Variants in CSMD2 observed in about 807,000 individuals in gnomAD.
CSMD2 encodes the protein CUB and Sushi multiple domains 2.
A neutral mutation model predicts 398.5 loss-of-function variants in CSMD2; 130 were observed. That is an observed-to-expected ratio of 0.33 (90% confidence interval 0.28 to 0.38). The LOEUF (loss-of-function observed/expected upper bound fraction) is 0.38. Ranked by LOEUF, CSMD2 falls within the 10% of genes least tolerant of loss-of-function variation. The pLI, the probability that CSMD2 is intolerant of heterozygous loss-of-function variation, is 1.00. For missense variants in CSMD2, 3,829 were observed against 4,764.9 expected (o/e 0.80, Z 5.78); for synonymous variants, 1,828 against 1,908.5 (o/e 0.96, Z 1.10).
intron 25 of CSMD2, among the ~76,000 whole-genome samples, chr1:33,668,980 G>C (rs1644403787): frequency 6.6e-6 from 1 of 152,146 alleles, no homozygotes; most frequent in African/African-American, 2.4e-5. Flanking sequence ...AATAACCGGA[G>C]GACAAAAAGA....
intron 10 of CSMD2, among the ~76,000 whole-genome samples, chr1:33,795,155 G>C (rs111869787): frequency 0.029 from 4,390 of 152,166 alleles, 191 homozygotes; most frequent in African/African-American, 0.099. Flanking sequence ...CCTGTAGCAA[G>C]GTCTAGGTGA....
chr1:33,746,518 C>T (rs1647405753), intron 13 of CSMD2, among the ~76,000 whole-genome samples: 1 of 152,150 alleles, frequency 6.6e-6, no homozygotes, highest in South Asian at 2.1e-4. Context: ...GAACCTTTAA[C>T]CAGGATTGTC....
intron 2 of CSMD2, among the ~76,000 whole-genome samples, chr1:34,063,289 C>T (rs192211612): frequency 3.3e-5 from 5 of 152,312 alleles, no homozygotes; most frequent in Admixed American, 3.3e-4. Context: ...TAACTCAGTT[C>T]AGCATTAACA....
At chr1:33,854,520 A>T (rs1638935199) in intron 5 of CSMD2, among the ~76,000 whole-genome samples, 1 of 152,156 alleles carries the variant, frequency 6.6e-6, no homozygotes, top group South Asian at 2.1e-4. Flanking sequence ...TCCTGTCAAG[A>T]CATGCTTCCC....
chr1:33,789,960 G>A (rs1231963145), intron 11 of CSMD2, among the ~76,000 whole-genome samples: 1 of 152,162 alleles, frequency 6.6e-6, no homozygotes, highest in Non-Finnish European at 1.5e-5. Context: ...GAGCCTCTCT[G>A]GGCTTTTTCA....
At chr1:33,768,550 G>A (rs1438346032) in intron 13 of CSMD2, among the ~76,000 whole-genome samples, 1 of 148,898 alleles carries the variant, frequency 6.7e-6, no homozygotes, top group East Asian at 2.0e-4. Context: ...GTGTGTGTGT[G>A]TGTGTGTGTG....
intron 7 of CSMD2, among the ~76,000 whole-genome samples, chr1:33,824,897 G>A (rs1323757988): frequency 4.6e-5 from 7 of 152,006 alleles, no homozygotes; most frequent in African/African-American, 1.7e-4. Flanking sequence ...CCTACCACTC[G>A]GCCCAGAAGG....
chr1:33,624,371 G>A lies in CSMD2; in HGVS notation c.5625+148C>T, dbSNP rs1464390823. 14 of 951,590 alleles carry A rather than the reference G, an allele frequency of 1.5e-5. No individual in the cohort carries two copies. Among genetic ancestry groups the A allele is most frequent in the South Asian group, 5.6e-5 (3 of 53,772 alleles). The allele number at this position is 951,590 out of a possible 1,614,324, so 58.9% of individuals were successfully genotyped here. ...ACACTTGGACTGAGCCTCCTTAGCC[G>A]CAGGGGCAGGTACAGGGCTGATATG... On this transcript the variant is annotated intron_variant, in intron 35 of 70. Coordinates refer to ENST00000373381, the MANE Select transcript of CSMD2 (RefSeq NM_001281956.2). The surrounding 1 kb of genome is among the most constrained non-coding windows in gnomAD (Gnocchi z 4.7).
intron 3 of CSMD2, among the ~76,000 whole-genome samples, chr1:34,023,747 C>T (rs1649249386): frequency 6.6e-6 from 1 of 152,168 alleles, no homozygotes; most frequent in Non-Finnish European, 1.5e-5. Flanking sequence ...CATTCATGCT[C>T]ACAGTCCTCT....
chr1:33,801,611 C>T (rs1655615656), intron 10 of CSMD2, among the ~76,000 whole-genome samples: 1 of 152,226 alleles, frequency 6.6e-6, no homozygotes, highest in South Asian at 2.1e-4. Flanking sequence ...TTCCTGCTTT[C>T]AGGATGCTCA....
intron 43 of CSMD2, among the ~76,000 whole-genome samples, chr1:33,602,150 G>A (rs1172132739): frequency 1.3e-5 from 2 of 152,222 alleles, no homozygotes; most frequent in African/African-American, 4.8e-5. Context: ...CAGGCTGGGA[G>A]CCACTGCCCT....
intron 3 of CSMD2, among the ~76,000 whole-genome samples, chr1:33,966,194 G>A (rs1432402061): frequency 3.9e-5 from 6 of 152,130 alleles, no homozygotes; most frequent in African/African-American, 1.2e-4. Flanking sequence ...TGAGCCTCTG[G>A]TCTTGACTCC....
chr1:33,976,155 A>G (rs1393903526), intron 3 of CSMD2, among the ~76,000 whole-genome samples: 1 of 152,220 alleles, frequency 6.6e-6, no homozygotes, highest in Non-Finnish European at 1.5e-5. Flanking sequence ...GAGCTAGCTC[A>G]GGATGTGGAT....
chr1:34,139,620 C>T (rs1639085705), intron 1 of CSMD2, among the ~76,000 whole-genome samples: 1 of 152,026 alleles, frequency 6.6e-6, no homozygotes, highest in African/African-American at 2.4e-5. Flanking sequence ...ACTGACATAC[C>T]CACATATACA....
chr1:33,980,917 G>A (rs763478076), intron 3 of CSMD2, among the ~76,000 whole-genome samples: 5 of 152,180 alleles, frequency 3.3e-5, no homozygotes, highest in Non-Finnish European at 5.9e-5. Context: ...CATGTGCAAA[G>A]GTCAGGTAGT....
At chr1:33,763,418 G>T (rs1650090135) in intron 13 of CSMD2, among the ~76,000 whole-genome samples, 1 of 152,180 alleles carries the variant, frequency 6.6e-6, no homozygotes, top group Admixed American at 6.5e-5. Flanking sequence ...ACAAGGCCAA[G>T]AATTTTGTAT....
chr1:34,078,499 C>G (rs528427685), intron 2 of CSMD2, among the ~76,000 whole-genome samples: 1 of 152,120 alleles, frequency 6.6e-6, no homozygotes, highest in Non-Finnish European at 1.5e-5. Context: ...CAGGAAAGGA[C>G]GTAAACAATG....
At chr1:33,582,870 T>C (rs1638826106) in intron 47 of CSMD2, among the ~76,000 whole-genome samples, 1 of 152,210 alleles carries the variant, frequency 6.6e-6, no homozygotes, top group East Asian at 1.9e-4. Context: ...TTACATAGAA[T>C]GTAGCTGTTG....
chr1:33,582,445 C>A (rs944358701), intron 47 of CSMD2, among the ~76,000 whole-genome samples: 4 of 152,192 alleles, frequency 2.6e-5, no homozygotes, highest in African/African-American at 9.7e-5. Context: ...CAGAAAGGTG[C>A]AATCCTTTGC....
Sources: gnomAD v4.1 joint callset for allele counts (sites outside exome capture counted in the v4.1 genomes callset) on GRCh38, gnomAD v4.1.1 for gene constraint, Gnocchi (gnomAD v3.1) non-coding constraint, MANE v1.5 for transcripts, NCBI Gene and HGNC (gene_info 2026-07-23, HGNC 2026-07-21) for gene names.